Variants in CFAP20DC observed in about 807,000 individuals in gnomAD.
CFAP20DC encodes the protein protein CFAP20DC.
Under a neutral mutation model 101.7 loss-of-function variants are expected in CFAP20DC, and 84 were observed. The observed-to-expected ratio is 0.83, with a 90% CI of 0.69 to 0.99. CFAP20DC has a LOEUF of 0.99. Ranked by LOEUF, CFAP20DC falls within the 50% of genes least tolerant of loss-of-function variation. The probability of loss-of-function intolerance (pLI) is 0.00; values close to 1 mark genes in which losing one functional copy is unlikely to be tolerated. For synonymous variants in CFAP20DC, 359 were observed against 351.2 expected (o/e 1.02, Z -0.25); for missense variants, 1,007 against 970.3 (o/e 1.04, Z -0.50).
At chr3:58,725,399 C>A (rs1479440064) in intron 3 of CFAP20DC, among the ~76,000 whole-genome samples, 1 of 152,144 alleles carries the variant, frequency 6.6e-6, no homozygotes, top group Non-Finnish European at 1.5e-5. Flanking sequence ...TTTTTCCCAG[C>A]ACCCTTTCCC....
At chr3:59,031,215 T>C (rs2109092013) in intron 4 of CFAP20DC, among the ~76,000 whole-genome samples, 1 of 152,288 alleles carries the variant, frequency 6.6e-6, no homozygotes, top group East Asian at 1.9e-4. Flanking sequence ...AGCTTAATTT[T>C]GCATAGAAAA....
At chr3:58,775,142 C>T (rs930229712) in intron 15 of CFAP20DC, among the ~76,000 whole-genome samples, 3 of 152,120 alleles carry the variant, frequency 2.0e-5, no homozygotes, top group Non-Finnish European at 4.4e-5. Flanking sequence ...TTTAAGGAGA[C>T]ATGAGACATC....
At chr3:58,982,427 C>T (rs994557409) in intron 4 of CFAP20DC, among the ~76,000 whole-genome samples, 9 of 151,980 alleles carry the variant, frequency 5.9e-5, no homozygotes, top group African/African-American at 2.2e-4. Context: ...TTTATTGCGG[C>T]ACTATTCACA....
At chr3:58,777,123 A>G in intron 15 of CFAP20DC, among the ~76,000 whole-genome samples, 1 of 152,156 alleles carries the variant, frequency 6.6e-6, no homozygotes, top group African/African-American at 2.4e-5. Context: ...AACAGACAGA[A>G]CTCAAAGTCA....
chr3:58,777,463 A>G (rs1366522862), intron 15 of CFAP20DC, among the ~76,000 whole-genome samples: 1 of 152,186 alleles, frequency 6.6e-6, no homozygotes, highest in Non-Finnish European at 1.5e-5. Flanking sequence ...CCTGTTTCAG[A>G]TATTTGGGTT....
At chr3:58,787,697 T>C (rs962225963) in intron 15 of CFAP20DC, among the ~76,000 whole-genome samples, 3 of 152,150 alleles carry the variant, frequency 2.0e-5, no homozygotes, top group East Asian at 1.9e-4. Context: ...TGCATGTTTA[T>C]TGCAGCACTA....
At chr3:58,837,689 C>T (rs1427407923) in intron 13 of CFAP20DC, among the ~76,000 whole-genome samples, 1 of 152,132 alleles carries the variant, frequency 6.6e-6, no homozygotes, top group Non-Finnish European at 1.5e-5. Flanking sequence ...TTTGTAAATA[C>T]AGCTGGAGAG....
Position 58,722,165 on chromosome 3 carries a change from A to G in CFAP20DC, c.198-4537T>C, listed in dbSNP as rs1195961114. On this transcript the variant is annotated intron_variant, in intron 3 of 3. Coordinates refer to the CFAP20DC transcript ENST00000486145. This position sits in a 1 kb window ranked among gnomAD's most constrained non-coding sequence, Gnocchi z 4.5. ...GACCCTCTGGTCAATGGTCCCAGCT[A>G]AAGCCCAGCCTCCGGGTCATCCCAG... 6.6e-6 allele frequency among the ~76,000 whole-genome samples: 1 copy of G among 152,192 alleles called. No individual in the cohort carries two copies. The highest frequency in any genetic ancestry group is 1.5e-5 in the Non-Finnish European group (1 of 68,026).
At position 58,878,225 on chromosome 3, in the gene CFAP20DC, A is replaced by T. The variant is rs1246186508; in HGVS notation, c.715+6320T>A. 3.3e-5 allele frequency among the ~76,000 whole-genome samples: 5 copies of T among 152,336 alleles called. No homozygotes were observed. In the South Asian group the frequency reaches 8.3e-4, roughly 25 times the overall value. ...AATTAAAATGTCTTCAACTTTTGCA[A>T]ATAATTAAAACCAGAACGTAGCCTT... is the stretch of plus-strand genomic sequence containing the variant. On this transcript the variant is annotated intron_variant, in intron 7 of 16. Transcript: ENST00000482387.
intron 14 of CFAP20DC, among the ~76,000 whole-genome samples, chr3:58,826,369 G>C (rs554656777): frequency 1.1e-3 from 165 of 152,172 alleles, no homozygotes; most frequent in African/African-American, 3.7e-3. Flanking sequence ...TGTTACATAG[G>C]TACACATGTG....
At chr3:58,820,092 AC>A (rs2075515421) in intron 14 of CFAP20DC, among the ~76,000 whole-genome samples, 1 of 151,712 alleles carries the variant, frequency 6.6e-6, no homozygotes, top group African/African-American at 2.4e-5. Flanking sequence ...AAATTCAACA[AC>A]CCTTCATGCT....
In CFAP20DC at chr3:58,832,032, CCCAT is replaced by C. The variant is rs981426603; in HGVS notation, c.1972-147_1972-144del. The C allele has an allele frequency of 4.3e-4, 289 of 671,518 alleles. 3 individuals are homozygous for C. In the Middle Eastern group the frequency reaches 6.5e-3, roughly 15 times the overall value. The allele number at this position is 671,518 out of a possible 1,614,324, so 41.6% of individuals were successfully genotyped here. ...TAACATGCCTCCATGCGCTACCTGC[CCCAT>C]CCATTATACCACCTCCTGTCCATTT... On this transcript the variant is annotated intron_variant, in intron 13 of 16. Coordinates refer to ENST00000482387, the MANE Select transcript of CFAP20DC (RefSeq NM_001394063.1).
intron 16 of CFAP20DC, among the ~76,000 whole-genome samples, chr3:58,747,598 A>C (rs1200526333): frequency 6.6e-6 from 1 of 152,146 alleles, no homozygotes; most frequent in Non-Finnish European, 1.5e-5. Flanking sequence ...TCTCCTATAG[A>C]TCTTGAGAAC....
intron 15 of CFAP20DC, among the ~76,000 whole-genome samples, chr3:58,778,515 T>G (rs149795600): frequency 6.6e-6 from 1 of 152,216 alleles, no homozygotes; most frequent in Non-Finnish European, 1.5e-5. Flanking sequence ...TGTGGACCAC[T>G]TGGGTCCCAG....
At chr3:58,760,355 GA>G (rs1443523530) in intron 15 of CFAP20DC, among the ~76,000 whole-genome samples, 3 of 152,186 alleles carry the variant, frequency 2.0e-5, no homozygotes, top group African/African-American at 7.2e-5. Context: ...TGGTGTATAA[GA>G]ATGCTTGTGA....
chr3:58,820,680 G>A (rs1352799092), intron 14 of CFAP20DC, among the ~76,000 whole-genome samples: 2 of 150,938 alleles, frequency 1.3e-5, no homozygotes, highest in Non-Finnish European at 3.0e-5. Context: ...CATGCTCATG[G>A]GTAGGAAGAA....
intron 4 of CFAP20DC, among the ~76,000 whole-genome samples, chr3:58,958,232 T>C (rs1285668975): frequency 2.0e-5 from 3 of 152,172 alleles, no homozygotes; most frequent in Non-Finnish European, 4.4e-5. Flanking sequence ...CAATCTGGTT[T>C]TGGTCTCTAA....
chr3:58,756,096 T>A (rs570342317), intron 15 of CFAP20DC, among the ~76,000 whole-genome samples: 4 of 152,316 alleles, frequency 2.6e-5, no homozygotes, highest in East Asian at 1.9e-4. Flanking sequence ...TAATTTATTA[T>A]CTGCTCCTTT....
At chr3:59,031,024 A>T (rs961398860) in intron 4 of CFAP20DC, among the ~76,000 whole-genome samples, 6 of 152,184 alleles carry the variant, frequency 3.9e-5, no homozygotes, top group East Asian at 1.9e-4. Context: ...GGGTTTCACC[A>T]TGTTAGCCAG....
Sources: allele counts gnomAD v4.1 joint callset (sites outside exome capture counted in the v4.1 genomes callset), GRCh38; gene constraint gnomAD v4.1.1; non-coding constraint Gnocchi (gnomAD v3.1); transcripts MANE v1.5; gene names NCBI Gene and HGNC (gene_info 2026-07-23, HGNC 2026-07-21).